Variants in RSPO3 observed in about 807,000 individuals in gnomAD.
RSPO3 encodes the protein R-spondin 3.
In RSPO3, 17 loss-of-function variants were observed where a neutral mutation model predicts 36.5. The observed-to-expected ratio is 0.47, with a 90% CI of 0.32 to 0.70. RSPO3 has a LOEUF of 0.70. RSPO3 is among the 30% of genes least tolerant of loss of function. RSPO3 has a pLI of 0.04. For missense variants in RSPO3, 294 were observed against 322.5 expected, an observed-to-expected ratio of 0.91 and a Z score of 0.68; for synonymous variants, 108 against 107.0, an observed-to-expected ratio of 1.01 and a Z score of -0.06.
intron 4 of RSPO3, among the ~76,000 whole-genome samples, chr6:127,176,925 T>C (rs1384811093): frequency 2.0e-5 from 3 of 151,832 alleles, no homozygotes; most frequent in Admixed American, 1.3e-4. Context: ...TAAACACAAC[T>C]TGTTTTTTCC....
chr6:127,177,399 C>A (rs999661324), intron 4 of RSPO3, among the ~76,000 whole-genome samples: 3 of 151,756 alleles, frequency 2.0e-5, no homozygotes, highest in African/African-American at 7.3e-5. Flanking sequence ...CCTTCTTGAA[C>A]CCAGCTGGCC....
chr6:127,160,204 AAACTG>A (rs1159349696), intron 4 of RSPO3, among the ~76,000 whole-genome samples: 1 of 152,194 alleles, frequency 6.6e-6, no homozygotes, highest in African/African-American at 2.4e-5. Context: ...TCATCTCTCT[AAACTG>A]ATCAAGTTTT....
intron 1 of RSPO3, among the ~76,000 whole-genome samples, chr6:127,120,538 G>C (rs752037815): frequency 1.3e-5 from 2 of 152,198 alleles, no homozygotes; most frequent in Non-Finnish European, 1.5e-5. Context: ...GAAGCCTTTC[G>C]GGGCAGACGT....
Position 127,197,195 on chromosome 6 carries a change from C to T in RSPO3, c.*1188C>T. On this transcript the variant is annotated 3_prime_UTR_variant, in exon 5 of 5. Coordinates refer to ENST00000356698, the MANE Select transcript of RSPO3 (RefSeq NM_032784.5). Reference sequence around the variant, plus strand: ...CTCAGTAATATTTGTTTTTTGAATCCACCTTTATCTGAGCCAATGGAGATT... The same window carrying T: ...CTCAGTAATATTTGTTTTTTGAATCTACCTTTATCTGAGCCAATGGAGATT... 2.2e-6 allele frequency: 1 copy of T among 453,770 alleles called. No homozygotes were observed. The highest frequency in any genetic ancestry group is 3.6e-5 in the East Asian group (1 of 27,684). 28.1% of individuals were successfully genotyped at this position (453,770 alleles called of 1,614,324 possible). A position where few individuals can be genotyped will look rare whatever the true frequency, so the allele number is the denominator to read the frequency against.
rs1774241098 is a variant in RSPO3 at position 127,140,110 on chromosome 6, TAAAG to T, written c.98-8535_98-8532del. Among the ~76,000 whole-genome samples the T allele has an allele frequency of 2.0e-5, 3 of 152,230 alleles. No homozygotes were observed. The South Asian group carries it at 6.2e-4, about 32-fold the overall frequency. The stretch of plus-strand genomic sequence containing the variant: ...TAGATTTTTAATTCATTTAAGGAAT[TAAAG>T]AACATAATATTAAGATACTAAAAGA... On this transcript the variant is annotated intron_variant, in intron 1 of 4. Coordinates refer to ENST00000356698, the MANE Select transcript of RSPO3 (RefSeq NM_032784.5).
At chr6:127,155,673 G>A (rs555498912) in intron 4 of RSPO3, among the ~76,000 whole-genome samples, 1 of 151,990 alleles carries the variant, frequency 6.6e-6, no homozygotes, top group South Asian at 2.1e-4. Flanking sequence ...TGATGAACTA[G>A]GCTGTATTGT....
At chr6:127,192,340 T>A (rs1210714970) in intron 4 of RSPO3, among the ~76,000 whole-genome samples, 1 of 152,188 alleles carries the variant, frequency 6.6e-6, no homozygotes, top group Non-Finnish European at 1.5e-5. Context: ...ATGAGTAACA[T>A]ATGCCAGTCA....
At chr6:127,148,498 A>T (rs1774429440) in intron 1 of RSPO3, 150 bp from the exon 2 acceptor site, 2 of 539,262 alleles carry the variant, frequency 3.7e-6, no homozygotes, top group Non-Finnish European at 6.4e-6. Flanking sequence ...AAAAGATCAT[A>T]AAAAAAGATA....
In RSPO3 at chr6:127,119,114, A is replaced by G. The variant is rs572380319; in HGVS notation, c.-79A>G. Reference sequence around the variant, plus strand: ...CACTGTCTATATACGCCTAACACCTACATATATTTTAAAAACATTAAATAT... The same window carrying G: ...CACTGTCTATATACGCCTAACACCTGCATATATTTTAAAAACATTAAATAT... On this transcript the variant is annotated 5_prime_UTR_variant, in exon 1 of 5. Transcript: ENST00000356698. 5 of 1,129,944 alleles carry G rather than the reference A, an allele frequency of 4.4e-6. No individual in the cohort carries two copies. Among genetic ancestry groups the G allele is most frequent in the Non-Finnish European group, 6.6e-6 (5 of 760,308 alleles). 70.0% of individuals were successfully genotyped at this position (1,129,944 alleles called of 1,614,324 possible). A position where few individuals can be genotyped will look rare whatever the true frequency, so the allele number is the denominator to read the frequency against.
At chr6:127,175,965 A>G (rs1775048527) in intron 4 of RSPO3, among the ~76,000 whole-genome samples, 1 of 151,792 alleles carries the variant, frequency 6.6e-6, no homozygotes, top group South Asian at 2.1e-4. Context: ...CATTTTAAAA[A>G]TCACTATTAT....
At chr6:127,158,315 TAATAA>T (rs1774633744) in intron 4 of RSPO3, among the ~76,000 whole-genome samples, 1 of 152,132 alleles carries the variant, frequency 6.6e-6, no homozygotes, top group Admixed American at 6.6e-5. Flanking sequence ...GTTTATGGAT[TAATAA>T]AATAAGAAGA....
chr6:127,161,298 T>G (rs899487690), intron 4 of RSPO3, among the ~76,000 whole-genome samples: 2 of 152,144 alleles, frequency 1.3e-5, no homozygotes, highest in African/African-American at 4.8e-5. Flanking sequence ...GAAATGACAG[T>G]TTTTAAGTTT....
At chr6:127,187,864 A>G (rs1465692141) in intron 4 of RSPO3, among the ~76,000 whole-genome samples, 1 of 152,212 alleles carries the variant, frequency 6.6e-6, no homozygotes, top group Non-Finnish European at 1.5e-5. Context: ...ATTATACAAT[A>G]AAATACAGAA....
At chr6:127,125,587 C>G (rs1326480151) in intron 1 of RSPO3, among the ~76,000 whole-genome samples, 2 of 152,124 alleles carry the variant, frequency 1.3e-5, no homozygotes, top group Non-Finnish European at 2.9e-5. Flanking sequence ...TAAATAATAA[C>G]TTGTCTTATT....
At chr6:127,163,388 G>A (rs4424101) in intron 4 of RSPO3, among the ~76,000 whole-genome samples, 71,167 of 151,870 alleles carry the variant, frequency 0.47, 16,845 homozygotes, top group East Asian at 0.54. Context: ...TCCTCCAGCA[G>A]CTTCTTCATA....
At chr6:127,129,310 T>C (rs1244625164) in intron 1 of RSPO3, among the ~76,000 whole-genome samples, 2 of 152,096 alleles carry the variant, frequency 1.3e-5, no homozygotes. Context: ...TGAGTCTTTT[T>C]TAGTCCATGA....
chr6:127,125,978 AG>A (rs1773932043), intron 1 of RSPO3, among the ~76,000 whole-genome samples: 1 of 152,156 alleles, frequency 6.6e-6, no homozygotes, highest in African/African-American at 2.4e-5. Flanking sequence ...ACTGCACAAA[AG>A]AGTATATACA....
At chr6:127,148,243 T>C (rs1242551090) in intron 1 of RSPO3, among the ~76,000 whole-genome samples, 3 of 152,078 alleles carry the variant, frequency 2.0e-5, no homozygotes, top group African/African-American at 4.8e-5. Context: ...TTAATTTCAC[T>C]GTGTAAATGA....
At chr6:127,140,857 T>C (rs1048895373) in intron 1 of RSPO3, among the ~76,000 whole-genome samples, 6 of 152,264 alleles carry the variant, frequency 3.9e-5, no homozygotes, top group African/African-American at 1.2e-4. Context: ...ACTGTTTGCA[T>C]TGCTGGTGCT....
Sources: allele counts gnomAD v4.1 joint callset (sites outside exome capture counted in the v4.1 genomes callset), GRCh38; gene constraint gnomAD v4.1.1; transcripts MANE v1.5; gene names NCBI Gene and HGNC (gene_info 2026-07-23, HGNC 2026-07-21).